TARS3: variants seen among roughly 807,000 people sequenced by gnomAD.
The protein encoded by TARS3 is threonine--tRNA ligase 2, cytoplasmic.
In TARS3, 94 loss-of-function variants were observed where a neutral mutation model predicts 103.5. That is an observed-to-expected ratio of 0.91 (90% CI 0.77 to 1.08). TARS3 has a LOEUF of 1.08. Among genes scored for constraint, TARS3 ranks in the 50% least tolerant of loss-of-function variants. TARS3 has a pLI of 0.00. For missense variants in TARS3, 952 were observed against 995.2 expected (o/e 0.96, Z 0.58); for synonymous variants, 416 against 355.4 (o/e 1.17, Z -1.92).
At chr15:101,699,893 G>A (rs148697647) in intron 10 of TARS3, among the ~76,000 whole-genome samples, 1 of 152,326 alleles carries the variant, frequency 6.6e-6, no homozygotes, top group Non-Finnish European at 1.5e-5. Context: ...GCAACGAAGA[G>A]ATATACAGGG....
chr15:101,684,374 A>T, intron 11 of TARS3, 137 bp from the exon 12 acceptor site: 1 of 844,050 alleles, frequency 1.2e-6, no homozygotes, highest in East Asian at 2.9e-5. Flanking sequence ...AGGTTAAAAA[A>T]AAAATTCTTC....
At chr15:101,690,951 T>C (rs1257519737) in intron 10 of TARS3, among the ~76,000 whole-genome samples, 1 of 152,202 alleles carries the variant, frequency 6.6e-6, no homozygotes, top group Non-Finnish European at 1.5e-5. Flanking sequence ...ATCAATCTTT[T>C]TTTTTGAAAT....
At chr15:101,720,467 G>C (rs75240322) in intron 3 of TARS3, among the ~76,000 whole-genome samples, 2,277 of 152,156 alleles carry the variant, frequency 0.015, 51 homozygotes, top group African/African-American at 0.053. Flanking sequence ...AAAACTCATG[G>C]AAATTACTTG....
intron 15 of TARS3, among the ~76,000 whole-genome samples, chr15:101,664,878 A>C (rs983510378): frequency 1.3e-5 from 2 of 152,252 alleles, no homozygotes; most frequent in Admixed American, 1.3e-4. Flanking sequence ...ACACACCTGG[A>C]GTGACTGGAA....
intron 15 of TARS3, among the ~76,000 whole-genome samples, chr15:101,669,023 C>T (rs1246446059): frequency 6.6e-6 from 1 of 152,066 alleles, no homozygotes; most frequent in Non-Finnish European, 1.5e-5. Flanking sequence ...CAGCCTGGGG[C>T]TGGTCTTTCA....
At chr15:101,711,324 A>G (rs1567353973) in intron 5 of TARS3, among the ~76,000 whole-genome samples, 1 of 152,224 alleles carries the variant, frequency 6.6e-6, no homozygotes, top group Non-Finnish European at 1.5e-5. Context: ...GACCATTTCT[A>G]AACTAAAAAT....
rs1030076531 is a variant in TARS3, at chr15:101,708,675, T to C, written c.930+118A>G. On this transcript the variant is annotated intron_variant, in intron 6 of 18. Coordinates refer to ENST00000335968, the MANE Select transcript of TARS3 (RefSeq NM_152334.3). ...AACTGGTAACAACCTCACAGTAGCT[T>C]AACAGGATTGGAATAATTTGGTGAG... 6 of 746,324 alleles carry C rather than the reference T, an allele frequency of 8.0e-6. No individual in the cohort carries two copies. In the African/African-American group the frequency reaches 8.8e-5, roughly 11 times the overall value. The allele number at this position is 746,324 out of a possible 1,614,324, so 46.2% of individuals were successfully genotyped here.
At chr15:101,654,821 TTTC>T in intron 18 of TARS3, 91 bp from the exon 19 acceptor site, 1 of 1,240,002 alleles carries the variant, frequency 8.1e-7, no homozygotes, top group Non-Finnish European at 1.1e-6. Flanking sequence ...TTATCAAGTT[TTTC>T]TTCACTAATA....
At chr15:101,719,419 A>T (rs540727278) in intron 3 of TARS3, among the ~76,000 whole-genome samples, 1 of 152,284 alleles carries the variant, frequency 6.6e-6, no homozygotes, top group South Asian at 2.1e-4. Context: ...AGTGTGTCAG[A>T]TGTTGAAAGA....
chr15:101,662,971 T>C (rs1033228171), intron 15 of TARS3, among the ~76,000 whole-genome samples: 8 of 152,222 alleles, frequency 5.3e-5, no homozygotes, highest in African/African-American at 1.2e-4. Context: ...ATTAGATTAA[T>C]AGATAAATTT....
intron 12 of TARS3, among the ~76,000 whole-genome samples, chr15:101,677,207 C>T (rs182718438): frequency 6.6e-6 from 1 of 152,192 alleles, no homozygotes; most frequent in Non-Finnish European, 1.5e-5. Flanking sequence ...GTGCGTTTCT[C>T]GAAGAGATGA....
chr15:101,671,417 T>A, intron 15 of TARS3, 69 bp downstream of exon 15: 3 of 1,145,572 alleles, frequency 2.6e-6, no homozygotes, highest in African/African-American at 1.6e-5. Flanking sequence ...TATTTTTGCA[T>A]TGCTAATACT....
chr15:101,700,802 C>T (rs1404242834), intron 10 of TARS3, among the ~76,000 whole-genome samples: 3 of 152,016 alleles, frequency 2.0e-5, no homozygotes, highest in Admixed American at 1.3e-4. Context: ...CCACCACACT[C>T]GGCTAATTTT....
intron 15 of TARS3, among the ~76,000 whole-genome samples, chr15:101,669,776 A>C (rs1897725298): frequency 6.6e-6 from 1 of 152,210 alleles, no homozygotes; most frequent in Non-Finnish European, 1.5e-5. Context: ...AGGCTCTACC[A>C]CCCAGGTTTG....
chr15:101,721,818 T>G (rs1022838547), intron 2 of TARS3, among the ~76,000 whole-genome samples: 1 of 152,192 alleles, frequency 6.6e-6, no homozygotes, highest in African/African-American at 2.4e-5. Context: ...TTTAGTGATG[T>G]GAAAGTCATA....
At chr15:101,670,127 C>A (rs1897739531) in intron 15 of TARS3, among the ~76,000 whole-genome samples, 1 of 151,888 alleles carries the variant, frequency 6.6e-6, no homozygotes, top group African/African-American at 2.4e-5. Context: ...GATATGATGC[C>A]AAAGCATGAT....
chr15:101,713,540 G>GGAGAGGGAGAGAAGTC (rs1260699925), intron 4 of TARS3, among the ~76,000 whole-genome samples: 2 of 151,660 alleles, frequency 1.3e-5, no homozygotes, highest in African/African-American at 4.8e-5. Flanking sequence ...CAGTGGCAAT[G>GGAGAGGGAGAGAAGTC]GACAGATTCT....
chr15:101,701,782 C>A, intron 9 of TARS3, among the ~76,000 whole-genome samples: 1 of 147,796 alleles, frequency 6.8e-6, no homozygotes, highest in South Asian at 2.1e-4. Flanking sequence ...AAAAACAACT[C>A]TTTTTTTTTT....
At chr15:101,713,829 A>G (rs1282236767) in intron 4 of TARS3, among the ~76,000 whole-genome samples, 1 of 152,226 alleles carries the variant, frequency 6.6e-6, no homozygotes, top group African/African-American at 2.4e-5. Context: ...CTATGGCTGG[A>G]GAGTTGTGAA....
Sources: gnomAD v4.1 joint callset for allele counts (sites outside exome capture counted in the v4.1 genomes callset) on GRCh38, gnomAD v4.1.1 for gene constraint, MANE v1.5 for transcripts, NCBI Gene and HGNC (gene_info 2026-07-23, HGNC 2026-07-21) for gene names.